Variants in RPUSD3 observed in about 807,000 individuals in gnomAD.
RPUSD3 encodes RNA pseudouridine synthase D3, also known as mitochondrial mRNA pseudouridine synthase RPUSD3.
RPUSD3 carries 36 observed loss-of-function variants against 35.1 expected under a neutral mutation model. The observed-to-expected ratio is 1.02, with a 90% CI of 0.79 to 1.35. RPUSD3 has a LOEUF of 1.35. RPUSD3 is among the 40% of genes most tolerant of loss of function. The probability of loss-of-function intolerance (pLI) is 0.00; values close to 1 mark genes in which losing one functional copy is unlikely to be tolerated. For missense variants in RPUSD3, 486 were observed against 441.9 expected (o/e 1.10, Z -0.89); for synonymous variants, 202 against 187.8 (o/e 1.08, Z -0.62).
At chr3:9,843,319 G>A (rs1420849011) in intron 2 of RPUSD3, 146 bp downstream of exon 2, 6 of 1,105,770 alleles carry the variant, frequency 5.4e-6, no homozygotes, top group Admixed American at 2.2e-5. Context: ...AGCGGGGAGA[G>A]GGTGCAAATT....
At chr3:9,837,894 CT>C (rs2082043550) in exon 9 of RPUSD3, 2 of 1,061,152 alleles carry the variant, frequency 1.9e-6, no homozygotes, top group East Asian at 5.3e-5. Flanking sequence ...GGTAAAGTTA[CT>C]TGCCCAATGC....
chr3:9,841,776 G>A (rs752543914), intron 4 of RPUSD3: 1 of 498,330 alleles, frequency 2.0e-6, no homozygotes, highest in African/African-American at 1.9e-5. Context: ...GCGTCAGGGA[G>A]GTGTCATGCT....
At position 9,838,994 on chromosome 3, in the gene RPUSD3, C is replaced by T. The variant is rs749483915; in HGVS notation, c.864+38G>A. On this transcript the variant is annotated intron_variant, in intron 8 of 8. Coordinates refer to ENST00000383820, the Ensembl canonical transcript of RPUSD3. Reference sequence around the variant, plus strand: ...TGCTGCCCATGCTCACCTCTCCCTCCACCCCTCAGAAAGCAGCAGGCAGGT... The same window carrying T: ...TGCTGCCCATGCTCACCTCTCCCTCTACCCCTCAGAAAGCAGCAGGCAGGT... 124 of 1,613,716 alleles carry T rather than the reference C, an allele frequency of 7.7e-5. 1 individual carries two copies. The highest frequency in any genetic ancestry group is 7.3e-4 in the Admixed American group (44 of 60,000).
At position 9,840,311 on chromosome 3, in the gene RPUSD3, T is replaced by A. The variant is rs375121520; in HGVS notation, c.601-4A>T. 3.8e-4 allele frequency: 612 copies of A among 1,614,014 alleles called. No individual in the cohort carries two copies. The highest frequency in any genetic ancestry group is 5.1e-4 in the Non-Finnish European group (597 of 1,180,020). Reference sequence around the variant, plus strand: ...ATGGGGCCTTCACTGGAACTGTCTGTGGTGCCAGCCAAGAGTGAACAAGCC... The same window carrying A: ...ATGGGGCCTTCACTGGAACTGTCTGAGGTGCCAGCCAAGAGTGAACAAGCC... On this transcript the variant is annotated splice_polypyrimidine_tract_variant and splice_region_variant and intron_variant, in intron 6 of 8. Coordinates refer to ENST00000383820, the Ensembl canonical transcript of RPUSD3.
At chr3:9,840,884 C>T (rs2082094078) in intron 4 of RPUSD3, 79 bp from the exon 5 acceptor site, 11 of 1,042,646 alleles carry the variant, frequency 1.1e-5, no homozygotes, top group Middle Eastern at 2.1e-4. Flanking sequence ...GGAACACTGA[C>T]CTGCTTCAGG....
At position 9,840,535 on chromosome 3, in the gene RPUSD3, AT is replaced by A. The variant is rs750832143; in HGVS notation, c.596del (p.Asn199IlefsTer6). ...CTCTTCCCAGACCCGGACTCACGAG[AT>A]TGACCCCATCAATGTGTTCCAGTTT... On this transcript the variant is annotated frameshift_variant, in exon 6 of 9. Coordinates refer to ENST00000383820, the Ensembl canonical transcript of RPUSD3. LOFTEE classifies it high-confidence loss of function. The A allele has an allele frequency of 6.2e-7, 1 of 1,613,964 alleles. No homozygotes were observed. Among genetic ancestry groups the A allele is most frequent in the South Asian group, 1.1e-5 (1 of 91,062 alleles).
exon 4 of RPUSD3, chr3:9,842,066 C>G: frequency 2.5e-6 from 4 of 1,610,730 alleles, no homozygotes; most frequent in East Asian, 2.2e-5. Context: ...AGAACAACGT[C>G]AGCTCTCCTG....
At chr3:9,839,138 A>G in exon 8 of RPUSD3, 1 of 1,613,908 alleles carries the variant, frequency 6.2e-7, no homozygotes. Context: ...GCAGAGCTGT[A>G]GTACCATGTG....
intron 6 of RPUSD3, 23 bp downstream of exon 6, chr3:9,840,509 C>T (rs1284454646): frequency 6.2e-7 from 1 of 1,612,294 alleles, no homozygotes; most frequent in African/African-American, 1.3e-5. Flanking sequence ...AAGCACCCCT[C>T]CTCTTCCCAG....
At chr3:9,842,152 C>A (rs528078095) in intron 3 of RPUSD3, 47 bp downstream of exon 3, 1 of 1,613,236 alleles carries the variant, frequency 6.2e-7, no homozygotes, top group African/African-American at 1.3e-5. Context: ...CCCTCAGTCA[C>A]GAAACCCCCT....
exon 9 of RPUSD3, chr3:9,838,182 C>T (rs757548500): frequency 1.2e-6 from 2 of 1,611,856 alleles, no homozygotes; most frequent in African/African-American, 1.3e-5. Context: ...CAGGTGGAGG[C>T]GTCTGAGGAG....
In RPUSD3 at chr3:9,843,726, T is replaced by C. The variant is rs374741687; in HGVS notation, c.126-125A>G. 7.8e-6 allele frequency: 12 copies of C among 1,544,624 alleles called. 1 individual carries two copies. In the South Asian group the frequency reaches 1.3e-4, roughly 17 times the overall value. On this transcript the variant is annotated intron_variant, in intron 1 of 8. Coordinates refer to ENST00000383820, the Ensembl canonical transcript of RPUSD3. ...ATGCCTCACAATGTCTGGGCTGACC[T>C]CGAAAATTCAGGTACGACCGGTCCC...
exon 1 of RPUSD3, chr3:9,843,962 A>C (rs369545840): frequency 6.2e-7 from 1 of 1,608,594 alleles, no homozygotes; most frequent in African/African-American, 1.3e-5. Context: ...GCCACTCCAG[A>C]ACCGGCCCAA....
In RPUSD3 at chr3:9,842,180, C is replaced by G. The variant is rs1283619272; in HGVS notation, c.307+19G>C. The stretch of plus-strand genomic sequence containing the variant: ...AACCCCCTTCCGCTGCATTCCCTTC[C>G]CACATCCCCGGCCCATACCTGTCAC... On this transcript the variant is annotated intron_variant, in intron 3 of 8. Coordinates refer to ENST00000383820, the Ensembl canonical transcript of RPUSD3. 4 of 1,614,054 alleles carry G rather than the reference C, an allele frequency of 2.5e-6. No homozygotes were observed. The African/African-American group carries it at 4.0e-5, about 16-fold the overall frequency.
chr3:9,840,066 G>C, intron 7 of RPUSD3, 118 bp downstream of exon 7: 1 of 1,352,388 alleles, frequency 7.4e-7, no homozygotes, highest in Non-Finnish European at 1.0e-6. Context: ...GTTTTTAGTT[G>C]AAACAGGGTT....
At chr3:9,841,118 C>A in intron 4 of RPUSD3, 1 of 204,088 alleles carries the variant, frequency 4.9e-6, no homozygotes, top group Non-Finnish European at 9.8e-6. Context: ...CAAAAAAGCT[C>A]ATGAGTTTGT....
intron 4 of RPUSD3, 147 bp downstream of exon 4, chr3:9,841,836 C>G (rs1435633507): frequency 1.5e-6 from 1 of 689,200 alleles, no homozygotes; most frequent in African/African-American, 1.8e-5. Context: ...CCAGAGCCAT[C>G]GGCTTCCTCT....
chr3:9,840,474 C>T, intron 6 of RPUSD3, 58 bp downstream of exon 6: 2 of 1,588,960 alleles, frequency 1.3e-6, no homozygotes, highest in Non-Finnish European at 1.7e-6. Flanking sequence ...CCCCTGACTC[C>T]TCTCTGTAGG....
chr3:9,840,029 T>C, intron 7 of RPUSD3, 155 bp downstream of exon 7: 1 of 880,466 alleles, frequency 1.1e-6, no homozygotes, highest in Non-Finnish European at 1.7e-6. Context: ...TACAGGCGCC[T>C]GCCACCGTGC....
Sources: allele counts gnomAD v4.1 joint callset, GRCh38; gene constraint gnomAD v4.1.1; transcripts MANE v1.5; gene names NCBI Gene and HGNC (gene_info 2026-07-23, HGNC 2026-07-21).